DCC: variants seen among roughly 807,000 people sequenced by gnomAD.
DCC encodes DCC netrin 1 receptor.
A neutral mutation model predicts 172.5 loss-of-function variants in DCC; 58 were observed. The ratio of observed to expected loss-of-function variants is 0.34; its 90% CI spans 0.27 to 0.42. The LOEUF (loss-of-function observed/expected upper bound fraction) is 0.42, where lower values mean the gene tolerates loss of function less well. Among genes scored for constraint, DCC ranks in the 10% least tolerant of loss-of-function variants. The pLI is 1.00. For synonymous variants in DCC, 709 were observed against 644.5 expected (o/e 1.10, Z -1.52); for missense variants, 1,740 against 1,791.0 (o/e 0.97, Z 0.51).
At position 52,633,013 on chromosome 18, in the gene DCC, T is replaced by A. The variant is rs547836669; in HGVS notation, c.92-119041T>A. On this transcript the variant is annotated intron_variant, in intron 1 of 28. Coordinates refer to ENST00000442544, the MANE Select transcript of DCC (RefSeq NM_005215.4). Reference sequence around the variant, plus strand: ...TCAAATAATTAGAAATTAGTAACCTTTCTGTCAGTAAAAATAAATAAATAA... The same window carrying A: ...TCAAATAATTAGAAATTAGTAACCTATCTGTCAGTAAAAATAAATAAATAA... Among the ~76,000 whole-genome samples the A allele has an allele frequency of 5.9e-5, 9 of 152,288 alleles. No homozygotes were observed. In the South Asian group the frequency reaches 1.9e-3, roughly 32 times the overall value.
intron 2 of DCC, among the ~76,000 whole-genome samples, chr18:52,866,080 G>A (rs2039224188): frequency 6.6e-6 from 1 of 152,286 alleles, no homozygotes; most frequent in South Asian, 2.1e-4. Context: ...TAAGGTGTAA[G>A]GAAGGGGTCC....
At chr18:53,410,998 T>C (rs1318759811) in intron 20 of DCC, among the ~76,000 whole-genome samples, 1 of 152,160 alleles carries the variant, frequency 6.6e-6, no homozygotes, top group Non-Finnish European at 1.5e-5. Context: ...TAGCATACTA[T>C]TGCCGACTTT....
At chr18:53,142,631 A>C (rs1461404317) in intron 7 of DCC, among the ~76,000 whole-genome samples, 4 of 152,154 alleles carry the variant, frequency 2.6e-5, no homozygotes, top group African/African-American at 9.7e-5. Context: ...ATAATTTTAC[A>C]TTTACATGAA....
chr18:53,126,964 CAA>C (rs1172743874), intron 7 of DCC, among the ~76,000 whole-genome samples: 3 of 152,060 alleles, frequency 2.0e-5, no homozygotes, highest in African/African-American at 4.8e-5. Context: ...TTTAAGGACA[CAA>C]GAGAGAAAGA....
intron 14 of DCC, among the ~76,000 whole-genome samples, chr18:53,335,458 G>T (rs73467209): frequency 1.3e-5 from 2 of 152,156 alleles, no homozygotes; most frequent in Admixed American, 6.6e-5. Context: ...ATACATGACC[G>T]AGTATGCTGC....
intron 23 of DCC, among the ~76,000 whole-genome samples, chr18:53,458,343 C>T (rs919428038): frequency 1.2e-4 from 19 of 152,256 alleles, no homozygotes; most frequent in Admixed American, 1.2e-3. Flanking sequence ...TTCAATTCTG[C>T]CATTGCAGTG....
At chr18:52,936,942 A>C (rs2040390252) in intron 5 of DCC, among the ~76,000 whole-genome samples, 1 of 152,170 alleles carries the variant, frequency 6.6e-6, no homozygotes, top group African/African-American at 2.4e-5. Context: ...TTTTTTATTC[A>C]ATATATCTTG....
rs186817658 is a variant in DCC, at chr18:53,376,362, C to T, written c.2360-9681C>T. ...TAGCGCCACTGAACTCTAGCCCCGG[C>T]GAGTGAGCAAAACTGTGTCTCAAAA... On this transcript the variant is annotated intron_variant, in intron 15 of 28. Coordinates refer to ENST00000442544, the MANE Select transcript of DCC (RefSeq NM_005215.4). 4.1e-3 allele frequency among the ~76,000 whole-genome samples: 625 copies of T among 152,040 alleles called. 1 individual carries two copies. Among genetic ancestry groups the T allele is most frequent in the Middle Eastern group, 0.014 (4 of 294 alleles).
chr18:52,545,527 C>T (rs2032586853), intron 1 of DCC, among the ~76,000 whole-genome samples: 1 of 152,180 alleles, frequency 6.6e-6, no homozygotes, highest in Admixed American at 6.5e-5. Flanking sequence ...GTAAAAGGTT[C>T]AGTATCACCA....
chr18:52,891,352 A>G (rs987075956), intron 2 of DCC, among the ~76,000 whole-genome samples: 7 of 152,096 alleles, frequency 4.6e-5, no homozygotes, highest in African/African-American at 9.7e-5. Flanking sequence ...CTATTACATT[A>G]GTTTTGTTAA....
chr18:52,663,250 C>T (rs1395821764), intron 1 of DCC, among the ~76,000 whole-genome samples: 2 of 152,144 alleles, frequency 1.3e-5, no homozygotes, highest in Non-Finnish European at 2.9e-5. Context: ...CAGGAAGCCA[C>T]TTAAGAATGA....
Position 53,093,638 on chromosome 18 carries a change from AT to A in DCC, c.1261+27475del, listed in dbSNP as rs1452327089. Among the ~76,000 whole-genome samples the A allele has an allele frequency of 2.0e-5, 3 of 152,152 alleles. No individual in the cohort carries two copies. The East Asian group carries it at 5.8e-4, about 29-fold the overall frequency. On this transcript the variant is annotated intron_variant, in intron 7 of 28. Coordinates refer to ENST00000442544, the MANE Select transcript of DCC (RefSeq NM_005215.4). ...TGACCTTCCATAATTATTGACACCT[AT>A]TTAATTTATCTTCTCATCAATAGTG...
intron 5 of DCC, among the ~76,000 whole-genome samples, chr18:52,948,075 A>T (rs2145540920): frequency 6.6e-6 from 1 of 152,330 alleles, no homozygotes; most frequent in South Asian, 2.1e-4. Flanking sequence ...AAATAATAGC[A>T]GTATGAAAAA....
At chr18:53,395,223 A>G (rs980806301) in intron 17 of DCC, among the ~76,000 whole-genome samples, 1 of 151,460 alleles carries the variant, frequency 6.6e-6, no homozygotes, top group Non-Finnish European at 1.5e-5. Context: ...ATAACTGGCC[A>G]TGTTGCTCCA....
chr18:53,336,319 C>T (rs1341784476), intron 14 of DCC, among the ~76,000 whole-genome samples: 1 of 152,216 alleles, frequency 6.6e-6, no homozygotes, highest in Non-Finnish European at 1.5e-5. Flanking sequence ...GTAGTAACCA[C>T]TTTCCTAATC....
chr18:53,472,643 A>G (rs536838804), intron 25 of DCC, among the ~76,000 whole-genome samples: 2 of 152,244 alleles, frequency 1.3e-5, no homozygotes, highest in South Asian at 4.2e-4. Flanking sequence ...ATCCCTGGCT[A>G]TCCTCCCATT....
chr18:53,009,850 C>T (rs1010288534), intron 5 of DCC, among the ~76,000 whole-genome samples: 2 of 151,894 alleles, frequency 1.3e-5, no homozygotes, highest in African/African-American at 4.8e-5. Context: ...AAACCTCTGC[C>T]CTATTGGTTC....
chr18:52,887,291 A>G (rs919725351), intron 2 of DCC, among the ~76,000 whole-genome samples: 1 of 151,976 alleles, frequency 6.6e-6, no homozygotes, highest in Non-Finnish European at 1.5e-5. Context: ...TAGCATTTAG[A>G]AACAATCATC....
At chr18:52,675,704 G>T (rs1266010658) in intron 1 of DCC, among the ~76,000 whole-genome samples, 2 of 152,150 alleles carry the variant, frequency 1.3e-5, no homozygotes, top group African/African-American at 2.4e-5. Context: ...ACTAAAGCAG[G>T]AGATCCTACT....
Sources: allele counts gnomAD v4.1 joint callset (sites outside exome capture counted in the v4.1 genomes callset), GRCh38; gene constraint gnomAD v4.1.1; transcripts MANE v1.5; gene names NCBI Gene and HGNC (gene_info 2026-07-23, HGNC 2026-07-21).